The following DOCK4 variants were observed in gnomAD, a reference collection of about 807,000 sequenced individuals.
The protein encoded by DOCK4 is dedicator of cytokinesis protein 4.
DOCK4 carries 97 observed loss-of-function variants against 268.1 expected under a neutral mutation model. The observed-to-expected ratio is 0.36, with a 90% CI of 0.31 to 0.43. The LOEUF (loss-of-function observed/expected upper bound fraction) is 0.43. Ranked by LOEUF, DOCK4 falls within the 20% of genes least tolerant of loss-of-function variation. The pLI, the probability that DOCK4 is intolerant of heterozygous loss-of-function variation, is 1.00. For synonymous variants in DOCK4, 954 were observed against 887.2 expected (o/e 1.08, Z -1.34); for missense variants, 2,145 against 2,455.7 (o/e 0.87, Z 2.67).
intron 8 of DOCK4, among the ~76,000 whole-genome samples, chr7:111,974,506 G>GTA (rs1798002257): frequency 7.3e-6 from 1 of 137,884 alleles, no homozygotes; most frequent in Non-Finnish European, 1.5e-5. Flanking sequence ...GTGTGTGTGT[G>GTA]TGTGTGTGTG....
intron 32 of DOCK4, among the ~76,000 whole-genome samples, chr7:111,787,763 A>G (rs887544833): frequency 1.3e-5 from 2 of 152,248 alleles, no homozygotes; most frequent in Admixed American, 1.3e-4. Context: ...ACAAACACGA[A>G]TATATTTTGT....
At chr7:111,844,967 G>A (rs1803982533) in intron 24 of DOCK4, 70 bp from the exon 25 acceptor site, 1 of 1,526,100 alleles carries the variant, frequency 6.6e-7, no homozygotes, top group African/African-American at 1.4e-5. Context: ...ACAGAAAAGG[G>A]GAAATCAAAG....
At chr7:111,852,492 C>CA (rs1804658079) in intron 23 of DOCK4, among the ~76,000 whole-genome samples, 1 of 133,218 alleles carries the variant, frequency 7.5e-6, no homozygotes, top group Non-Finnish European at 1.6e-5. Context: ...AATTACTTAA[C>CA]AAAAAGAACC....
At chr7:111,962,664 A>C (rs1797016993) in intron 8 of DOCK4, among the ~76,000 whole-genome samples, 1 of 137,546 alleles carries the variant, frequency 7.3e-6, no homozygotes, top group African/African-American at 3.2e-5. Context: ...TACCTCACCA[A>C]TTGCATTCAT....
At chr7:111,753,510 AACACATGAACATTC>A (rs1325484440) in intron 42 of DOCK4, among the ~76,000 whole-genome samples, 1 of 152,182 alleles carries the variant, frequency 6.6e-6, no homozygotes, top group African/African-American at 2.4e-5. Flanking sequence ...TCTACAGTGA[AACACATGAACATTC>A]ACACTAAGTG....
At chr7:111,897,943 T>G (rs1278651043) in intron 15 of DOCK4, among the ~76,000 whole-genome samples, 1 of 152,194 alleles carries the variant, frequency 6.6e-6, no homozygotes, top group Non-Finnish European at 1.5e-5. Flanking sequence ...TCAGATCCAA[T>G]CTGTTAATAT....
chr7:111,759,082 ATG>A (rs1431279935), intron 40 of DOCK4, among the ~76,000 whole-genome samples: 1 of 152,078 alleles, frequency 6.6e-6, no homozygotes, highest in Non-Finnish European at 1.5e-5. Context: ...GTGTGTGTGT[ATG>A]TGTGTGTAGG....
chr7:112,022,218 C>A (rs780085807), intron 1 of DOCK4, among the ~76,000 whole-genome samples: 11 of 152,208 alleles, frequency 7.2e-5, no homozygotes, highest in Non-Finnish European at 1.3e-4. Context: ...ACATCTACCG[C>A]AGACTGGATA....
chr7:111,854,957 A>G lies in DOCK4; in HGVS notation c.2474-7831T>C, dbSNP rs118030510. ...AGAAGCAAAACACAGTGTACTATAA[A>G]AGTGATAATTGAGTGGGTGGGGCAC... On this transcript the variant is annotated intron_variant, in intron 23 of 52. Coordinates refer to ENST00000428084, the MANE Select transcript of DOCK4 (RefSeq NM_001363540.2). 6.9e-3 allele frequency among the ~76,000 whole-genome samples: 1,047 copies of G among 152,318 alleles called. 5 individuals are homozygous for G. Among genetic ancestry groups the G allele is most frequent in the South Asian group, 0.017 (82 of 4,830 alleles).
chr7:111,933,245 T>TACAC (rs1381035715), intron 12 of DOCK4, among the ~76,000 whole-genome samples: 6 of 144,720 alleles, frequency 4.1e-5, no homozygotes, highest in African/African-American at 7.6e-5. Context: ...TATACGTATA[T>TACAC]ATACATATAT....
At chr7:111,736,550 G>T (rs1003183088) in intron 50 of DOCK4, among the ~76,000 whole-genome samples, 1 of 152,018 alleles carries the variant, frequency 6.6e-6, no homozygotes, top group Non-Finnish European at 1.5e-5. Flanking sequence ...TAAGGGAGAC[G>T]AAGGATGGGA....
intron 1 of DOCK4, among the ~76,000 whole-genome samples, chr7:112,174,963 C>T (rs57176492): frequency 0.19 from 24,653 of 129,758 alleles, 2,437 homozygotes; most frequent in African/African-American, 0.28. Context: ...TTTTTTGAGA[C>T]AGAGTCTCAC....
chr7:111,917,346 T>C (rs1792697534), intron 12 of DOCK4, among the ~76,000 whole-genome samples: 1 of 152,118 alleles, frequency 6.6e-6, no homozygotes, highest in Admixed American at 6.6e-5. Context: ...ATATTAGTGA[T>C]AGAAAATGAA....
intron 42 of DOCK4, among the ~76,000 whole-genome samples, chr7:111,750,511 C>G (rs907258721): frequency 6.6e-6 from 1 of 152,138 alleles, no homozygotes; most frequent in Non-Finnish European, 1.5e-5. Context: ...ATAATTTAAA[C>G]GTGCTTCTGA....
intron 1 of DOCK4, among the ~76,000 whole-genome samples, chr7:112,108,973 T>TA (rs1210838595): frequency 1.3e-5 from 2 of 152,124 alleles, no homozygotes; most frequent in African/African-American, 4.8e-5. Context: ...GTTTTTTTTT[T>TA]ACTGGGGGAG....
intron 1 of DOCK4, among the ~76,000 whole-genome samples, chr7:112,047,027 T>A (rs923812707): frequency 6.6e-6 from 1 of 152,170 alleles, no homozygotes; most frequent in African/African-American, 2.4e-5. Flanking sequence ...ACGACATGAC[T>A]CTGGGGAAAG....
At position 112,189,750 on chromosome 7, in the gene DOCK4, T is replaced by TTTG. The variant is rs201606974; in HGVS notation, c.37+16351_37+16352insCAA. On this transcript the variant is annotated intron_variant, in intron 1 of 52. Transcript: ENST00000428084. ...TTTATTCTCTGTCTGGGTTTTGTTT[T>TTTG]TTTTTTTTTTTTTTTTTGAGATAGG... 8.2e-4 allele frequency among the ~76,000 whole-genome samples: 101 copies of TTTG among 123,688 alleles called. 2 individuals are homozygous for TTTG. The highest frequency in any genetic ancestry group is 3.9e-3 in the Middle Eastern group (1 of 258). The allele number at this position is 123,688 out of a possible 152,430, so 81.1% of individuals were successfully genotyped here.
At chr7:112,067,931 C>T (rs779279897) in intron 1 of DOCK4, among the ~76,000 whole-genome samples, 2 of 152,200 alleles carry the variant, frequency 1.3e-5, no homozygotes, top group Non-Finnish European at 2.9e-5. Flanking sequence ...ACTTAGACTG[C>T]AGGGCGACTA....
At chr7:112,053,934 C>G (rs1298890702) in intron 1 of DOCK4, among the ~76,000 whole-genome samples, 3 of 152,134 alleles carry the variant, frequency 2.0e-5, no homozygotes, top group Non-Finnish European at 4.4e-5. Flanking sequence ...TCCAGGAGGT[C>G]TCCCCTGAGC....
Sources: gnomAD v4.1 joint callset for allele counts (sites outside exome capture counted in the v4.1 genomes callset) on GRCh38, gnomAD v4.1.1 for gene constraint, MANE v1.5 for transcripts, NCBI Gene and HGNC (gene_info 2026-07-23, HGNC 2026-07-21) for gene names.